Variants in GOLGA2 observed in about 807,000 individuals in gnomAD.
GOLGA2 encodes the protein golgin subfamily A member 2.
In GOLGA2, 49 loss-of-function variants were observed where a neutral mutation model predicts 148.8. The ratio of observed to expected loss-of-function variants is 0.33; its 90% CI spans 0.26 to 0.42. GOLGA2 has a LOEUF of 0.42. Ranked by LOEUF, GOLGA2 falls within the 10% of genes least tolerant of loss-of-function variation. The pLI is 1.00. For synonymous variants in GOLGA2, 501 were observed against 511.8 expected (o/e 0.98, Z 0.28); for missense variants, 1,178 against 1,304.6 (o/e 0.90, Z 1.49).
In GOLGA2 at chr9:128,258,206, C is replaced by CA; in HGVS notation, c.2290-9dup. The CA allele has an allele frequency of 1.9e-6, 3 of 1,574,432 alleles. No homozygotes were observed. Among genetic ancestry groups the CA allele is most frequent in the Non-Finnish European group, 2.6e-6 (3 of 1,160,626 alleles). On this transcript the variant is annotated splice_polypyrimidine_tract_variant and intron_variant, in intron 22 of 26. Coordinates refer to ENST00000611957, the MANE Select transcript of GOLGA2 (RefSeq NM_001366244.2). The surrounding 1 kb of genome is among the most constrained non-coding windows in gnomAD (Gnocchi z 6.6). The stretch of plus-strand genomic sequence containing the variant: ...TGAGTTGAAAAATGCCACCTGCAGG[C>CA]AAGAGGGGTGCATTCTTGTAGGAGG...
Position 128,261,586 on chromosome 9 carries a change from G to A in GOLGA2, c.1225-25C>T, listed in dbSNP as rs762251412. Reference sequence around the variant, plus strand: ...CCTGCAAGAATGGCCACAGAAATGAGGAAGGACTGTCACTGGTTGTCACCT... The same window carrying A: ...CCTGCAAGAATGGCCACAGAAATGAAGAAGGACTGTCACTGGTTGTCACCT... On this transcript the variant is annotated intron_variant, in intron 15 of 26. Coordinates refer to ENST00000611957, the MANE Select transcript of GOLGA2 (RefSeq NM_001366244.2). This position sits in a 1 kb window ranked among gnomAD's most constrained non-coding sequence, Gnocchi z 5.7. 10 of 1,531,600 alleles carry A rather than the reference G, an allele frequency of 6.5e-6. No homozygotes were observed. In the East Asian group the frequency reaches 2.2e-4, roughly 34 times the overall value. 94.9% of individuals were successfully genotyped at this position (1,531,600 alleles called of 1,614,324 possible). A position where few individuals can be genotyped will look rare whatever the true frequency, so the allele number is the denominator to read the frequency against.
Position 128,260,616 on chromosome 9 carries a change from C to T in GOLGA2, c.1607G>A (p.Arg536Gln), listed in dbSNP as rs763485332. The T allele has an allele frequency of 2.7e-5, 44 of 1,611,226 alleles. No homozygotes were observed. Among genetic ancestry groups the T allele is most frequent in the South Asian group, 5.5e-5 (5 of 91,078 alleles). ...CTGCTCCCCCCAGAGCTCGGCCGCC[C>T]GCTCCAGCTCCAGCAGCCTCTCCTC... The part of the protein sequence containing the change: ...EQEERLLELE[R>Q]AAELWGEQAE... The change falls in exon 18 of 27, where the codon CGG becomes CAG. Residue 536 changes from arginine to glutamine, a missense_variant. By Grantham distance (43) the Arg-to-Gln change is conservative (BLOSUM62 1). Coordinates refer to ENST00000611957, the MANE Select transcript of GOLGA2 (RefSeq NM_001366244.2). This position sits in a 1 kb window ranked among gnomAD's most constrained non-coding sequence, Gnocchi z 4.8.
chr9:128,275,505 C>A (rs1346729044), intron 1 of GOLGA2: 3 of 1,306,318 alleles, frequency 2.3e-6, no homozygotes, highest in Non-Finnish European at 2.0e-6. Flanking sequence ...AGGTGAGGGT[C>A]GAGTCTGGAG....
In GOLGA2 at chr9:128,265,534, T is replaced by C. The variant is rs983251664; in HGVS notation, c.933+51A>G. 4 of 1,317,252 alleles carry C rather than the reference T, an allele frequency of 3.0e-6. No homozygotes were observed. The African/African-American group carries it at 5.8e-5, about 19-fold the overall frequency. The allele number at this position is 1,317,252 out of a possible 1,614,324, so 81.6% of individuals were successfully genotyped here. On this transcript the variant is annotated intron_variant, in intron 12 of 26. Transcript: ENST00000611957. ...CAGAAGGGACCTTTAGGCTCACTCC[T>C]CCATCTGGGAAGCCAGTATGCCAGG...
At position 128,273,874 on chromosome 9, in the gene GOLGA2, A is replaced by G. The variant is rs1831124361; in HGVS notation, c.183T>C (p.Ser61=). ...KNGSNPETTT[S]GGCHSPEDIQ... ...CATCCTCAGGTGAGTGGCAACCACC[A>G]GAAGTGGTTGTCTCAGGGTTACTGC... The change falls in exon 2 of 27, where the codon TCT becomes TCC. Residue 61 remains serine, a synonymous_variant. Transcript: ENST00000611957. 1 of 1,613,988 alleles carries G rather than the reference A, an allele frequency of 6.2e-7. No individual in the cohort carries two copies. The highest frequency in any genetic ancestry group is 2.2e-5 in the East Asian group (1 of 44,884).
At chr9:128,259,132 C>A in intron 20 of GOLGA2, 35 bp downstream of exon 20, 3 of 1,600,982 alleles carry the variant, frequency 1.9e-6, no homozygotes, top group Non-Finnish European at 2.6e-6. Flanking sequence ...GCCAGGTTGT[C>A]CCCCTCGGGG....
At chr9:128,267,100 C>T in intron 8 of GOLGA2, 94 bp downstream of exon 8, 1 of 914,112 alleles carries the variant, frequency 1.1e-6, no homozygotes, top group South Asian at 1.3e-5. Flanking sequence ...GCCCTTGGCA[C>T]CAGGGGCCCC....
In GOLGA2 at chr9:128,256,975, G is replaced by T. The variant is rs1347442327; in HGVS notation, c.*92C>A. The T allele has an allele frequency of 2.8e-5, 27 of 966,334 alleles. No individual in the cohort carries two copies. The highest frequency in any genetic ancestry group is 4.0e-5 in the Non-Finnish European group (25 of 618,030). The allele number at this position is 966,334 out of a possible 1,614,324, so 59.9% of individuals were successfully genotyped here. On this transcript the variant is annotated 3_prime_UTR_variant, in exon 27 of 27. Coordinates refer to ENST00000611957, the MANE Select transcript of GOLGA2 (RefSeq NM_001366244.2). ...GGGGTCTATGCTTGCTACTGTAAGG[G>T]TAAAGGGTTGACTGAGAAGGGATGG...
intron 19 of GOLGA2, among the ~76,000 whole-genome samples, chr9:128,259,612 A>T (rs1830128634): frequency 6.6e-6 from 1 of 152,240 alleles, no homozygotes; most frequent in African/African-American, 2.4e-5. Flanking sequence ...AGACTGGTGG[A>T]AACGCAGAGG....
chr9:128,265,927 C>T (rs371855280), intron 10 of GOLGA2, 43 bp downstream of exon 10: 11 of 1,606,624 alleles, frequency 6.8e-6, no homozygotes, highest in Non-Finnish European at 9.4e-6. Context: ...AGGAAAGAAA[C>T]ATTCTCCAGA....
At chr9:128,264,305 G>C (rs1830464355) in intron 12 of GOLGA2, among the ~76,000 whole-genome samples, 1 of 150,918 alleles carries the variant, frequency 6.6e-6, no homozygotes, top group Non-Finnish European at 1.5e-5. Flanking sequence ...CGCCATCTTG[G>C]CTCACTGCAA....
At position 128,257,145 on chromosome 9, in the gene GOLGA2, T is replaced by C. The variant is rs1192161017; in HGVS notation, c.3012A>G (p.Pro1004=). 1.2e-6 allele frequency: 2 copies of C among 1,614,180 alleles called. No individual in the cohort carries two copies. Among genetic ancestry groups the C allele is most frequent in the Middle Eastern group, 1.7e-4 (1 of 6,054 alleles). The change falls in exon 27 of 27, where the codon CCA becomes CCG. Residue 1004 remains proline (P), a synonymous_variant. Coordinates refer to ENST00000611957, the MANE Select transcript of GOLGA2 (RefSeq NM_001366244.2). The surrounding 1 kb of genome is among the most constrained non-coding windows in gnomAD (Gnocchi z 8.0). Reference sequence around the variant, plus strand: ...GAATGCAGGGGTTGCTGCCCAAGCCTGGGCGCTCCCGGGGGTTCTGCATCT... The same window carrying C: ...GAATGCAGGGGTTGCTGCCCAAGCCCGGGCGCTCCCGGGGGTTCTGCATCT... ...LREMQNPRER[P]GLGSNPCIPF... is the part of the protein sequence containing the mutation.
chr9:128,258,639 C>T lies in GOLGA2; in HGVS notation c.2174-69G>A. On this transcript the variant is annotated intron_variant, in intron 21 of 26. Transcript: ENST00000611957. This position sits in a 1 kb window ranked among gnomAD's most constrained non-coding sequence, Gnocchi z 6.6. ...TACAGTGGGCCCACCTCTGCCCCCA[C>T]CCTCACTGTGTAACCCTGGGCCAGC... 8.7e-7 allele frequency: 1 copy of T among 1,155,610 alleles called. No homozygotes were observed. Among genetic ancestry groups the T allele is most frequent in the Admixed American group, 2.1e-5 (1 of 47,702 alleles). The allele number at this position is 1,155,610 out of a possible 1,614,324, so 71.6% of individuals were successfully genotyped here.
Position 128,261,489 on chromosome 9 carries a change from T to A in GOLGA2, c.1297A>T (p.Met433Leu). ...ATCTGCTGCATCCTCTGCCGCCACA[T>A]GGCGCTCTCTCCTTTGAGATTCTCC... ...YAENLKGESA[M>L]WRQRMQQMSE... The change falls in exon 16 of 27, where the codon ATG becomes TTG. Residue 433 changes from methionine (M) to leucine (L), a missense_variant. Met to Leu is a conservative substitution (Grantham distance 15). Transcript: ENST00000611957. The surrounding 1 kb of genome is among the most constrained non-coding windows in gnomAD (Gnocchi z 5.7). 1.2e-6 allele frequency: 2 copies of A among 1,610,976 alleles called. No individual in the cohort carries two copies. Among genetic ancestry groups the A allele is most frequent in the Non-Finnish European group, 1.7e-6 (2 of 1,177,092 alleles).
At chr9:128,262,014 G>A (rs938704915) in intron 14 of GOLGA2, 29 of 461,438 alleles carry the variant, frequency 6.3e-5, no homozygotes, top group Non-Finnish European at 9.7e-5. Flanking sequence ...GACCAACCTC[G>A]GCAACATGGC....
intron 12 of GOLGA2, among the ~76,000 whole-genome samples, chr9:128,263,992 TA>T (rs1168441141): frequency 2.3e-3 from 298 of 128,148 alleles, no homozygotes; most frequent in Middle Eastern, 3.8e-3. Flanking sequence ...CCATCTCTAC[TA>T]AAAAAAAAAA....
Position 128,257,226 on chromosome 9 carries a change from C to G in GOLGA2, c.2931G>C (p.Arg977Ser), listed in dbSNP as rs1452529674. ...TGGGGTTGTCACGGGGAGAACCCTC[C>G]CTGGCCTCTCCTTGGGCAGGCTCCA... ...GSVEPAQGEA[R>S]EGSPRDNPTA... The change falls in exon 27 of 27, where the codon AGG (arginine) becomes AGC (serine). Residue 977 changes from arginine to serine, a missense_variant. Arg to Ser is a moderately radical substitution (Grantham distance 110). This residue lies in a region of GOLGA2 where 149 missense variants were observed against 154.9 expected (regional missense o/e 0.96). Coordinates refer to ENST00000611957, the MANE Select transcript of GOLGA2 (RefSeq NM_001366244.2). This position sits in a 1 kb window ranked among gnomAD's most constrained non-coding sequence, Gnocchi z 8.0. 6.2e-7 allele frequency: 1 copy of G among 1,613,800 alleles called. No homozygotes were observed. The highest frequency in any genetic ancestry group is 1.1e-5 in the South Asian group (1 of 91,062).
Position 128,260,309 on chromosome 9 carries a change from C to T in GOLGA2, c.1759-120G>A, listed in dbSNP as rs1830177045. The T allele has an allele frequency of 9.0e-7, 1 of 1,117,114 alleles. No homozygotes were observed. Among genetic ancestry groups the T allele is most frequent in the African/African-American group, 1.5e-5 (1 of 65,778 alleles). 69.2% of individuals were successfully genotyped at this position (1,117,114 alleles called of 1,614,324 possible). ...TGGAGGCAGGTTAGAAAAATCATCC[C>T]CTCTCCCCCACAGCCATCGGAGCAG... On this transcript the variant is annotated intron_variant, in intron 18 of 26. Transcript: ENST00000611957. The surrounding 1 kb of genome is among the most constrained non-coding windows in gnomAD (Gnocchi z 4.8).
chr9:128,265,429 C>G (rs1830531636), intron 12 of GOLGA2, among the ~76,000 whole-genome samples, 156 bp downstream of exon 12: 2 of 152,212 alleles, frequency 1.3e-5, no homozygotes, highest in African/African-American at 4.8e-5. Flanking sequence ...CTGACTCAGC[C>G]CCAGGATGCC....
Sources: gnomAD v4.1 joint callset for allele counts (sites outside exome capture counted in the v4.1 genomes callset) on GRCh38, gnomAD v4.1.1 for gene constraint, gnomAD v4.1.1 regional missense constraint, Gnocchi (gnomAD v3.1) non-coding constraint, MANE v1.5 for transcripts, NCBI Gene and HGNC (gene_info 2026-07-23, HGNC 2026-07-21) for gene names.